Variants in ASIC2 observed in about 807,000 individuals in gnomAD.
ASIC2 encodes acid sensing ion channel subunit 2, also known as acid-sensing ion channel 2.
In ASIC2, 25 loss-of-function variants were observed where a neutral mutation model predicts 57.3. That is an observed-to-expected ratio of 0.44 (90% CI 0.32 to 0.61). ASIC2 has a LOEUF of 0.61. Among genes scored for constraint, ASIC2 ranks in the 20% least tolerant of loss-of-function variants. The pLI is 0.06. For synonymous variants in ASIC2, 319 were observed against 307.5 expected (o/e 1.04, Z -0.39); for missense variants, 641 against 738.1 (o/e 0.87, Z 1.52).
intron 3 of ASIC2, among the ~76,000 whole-genome samples, chr17:33,039,352 C>G (rs1226553024): frequency 1.3e-5 from 2 of 152,154 alleles, no homozygotes; most frequent in Admixed American, 1.3e-4. Context: ...TGGCCTCCTC[C>G]CTTTCCTCAC....
intron 1 of ASIC2, among the ~76,000 whole-genome samples, chr17:33,484,825 T>C (rs1460159019): frequency 6.6e-6 from 1 of 152,188 alleles, no homozygotes; most frequent in African/African-American, 2.4e-5. Flanking sequence ...CCCCTTTCCA[T>C]AGCAACAACA....
chr17:33,976,413 C>G (rs1905389130), intron 1 of ASIC2: 1 of 152,132 alleles, frequency 6.6e-6, no homozygotes, highest in African/African-American at 2.4e-5. Flanking sequence ...CACATTCCAA[C>G]TCTGGATTTT....
chr17:34,092,103 T>C (rs983942178), intron 1 of ASIC2, among the ~76,000 whole-genome samples: 23 of 151,726 alleles, frequency 1.5e-4, no homozygotes, highest in African/African-American at 5.3e-4. Flanking sequence ...GGGGTGGTAG[T>C]GGATCCCGGA....
chr17:33,481,407 C>T (rs182565203), intron 1 of ASIC2, among the ~76,000 whole-genome samples: 11 of 152,356 alleles, frequency 7.2e-5, no homozygotes, highest in African/African-American at 2.6e-4. Flanking sequence ...GGCACAACAC[C>T]TACAAATTAA....
chr17:33,611,482 A>G (rs1905409486), intron 1 of ASIC2, among the ~76,000 whole-genome samples: 1 of 152,160 alleles, frequency 6.6e-6, no homozygotes. Context: ...TTAAAATCTC[A>G]GTGGCTTCCA....
chr17:33,665,673 C>A (rs537484811), intron 1 of ASIC2, among the ~76,000 whole-genome samples: 12 of 152,246 alleles, frequency 7.9e-5, no homozygotes, highest in African/African-American at 2.6e-4. Flanking sequence ...AACAGATAAT[C>A]CAAGTATATT....
At chr17:34,069,844 A>G (rs1340841988) in intron 1 of ASIC2, 4 of 152,236 alleles carry the variant, frequency 2.6e-5, no homozygotes, top group Non-Finnish European at 5.9e-5. Context: ...TAGAAAAAGC[A>G]TGAACGTTTG....
At chr17:33,471,064 A>C (rs118075162) in intron 1 of ASIC2, among the ~76,000 whole-genome samples, 1,952 of 152,298 alleles carry the variant, frequency 0.013, 22 homozygotes, top group East Asian at 0.036. Context: ...GGTAGCTCAG[A>C]GAACAATGGA....
chr17:33,682,238 T>A (rs1016162973), intron 1 of ASIC2, among the ~76,000 whole-genome samples: 105 of 151,918 alleles, frequency 6.9e-4, no homozygotes, highest in African/African-American at 2.2e-3. Flanking sequence ...TTTTTTTTTT[T>A]TTATTTTTAG....
At chr17:33,537,217 G>T (rs990167068) in intron 1 of ASIC2, among the ~76,000 whole-genome samples, 6 of 152,102 alleles carry the variant, frequency 3.9e-5, no homozygotes, top group Non-Finnish European at 8.8e-5. Flanking sequence ...TGGTGTATCT[G>T]TTCCACCAAC....
intron 1 of ASIC2, among the ~76,000 whole-genome samples, chr17:33,610,409 G>C (rs951415555): frequency 6.6e-6 from 1 of 151,976 alleles, no homozygotes; most frequent in Admixed American, 6.6e-5. Context: ...TGCCCGCCTC[G>C]GCCTCCCAAA....
chr17:33,473,677 C>T (rs546726390), intron 1 of ASIC2, among the ~76,000 whole-genome samples: 2 of 152,306 alleles, frequency 1.3e-5, no homozygotes, highest in East Asian at 3.9e-4. Flanking sequence ...TTGAGTACCT[C>T]ATGATGTTCT....
At chr17:33,232,421 TATGGTATGGTATGGTATGGTATGGA>T in intron 1 of ASIC2, among the ~76,000 whole-genome samples, 1 of 147,580 alleles carries the variant, frequency 6.8e-6, no homozygotes, top group Non-Finnish European at 1.5e-5. Flanking sequence ...TATGGTATGG[TATGGTATGGTATGGTATGGTATGGA>T]ATGGTATGGT....
intron 1 of ASIC2, among the ~76,000 whole-genome samples, chr17:34,060,979 A>T (rs1273354642): frequency 2.0e-5 from 3 of 152,194 alleles, no homozygotes; most frequent in African/African-American, 7.2e-5. Flanking sequence ...AGACACCCAA[A>T]TACAAGAATA....
At chr17:33,572,317 G>A in intron 1 of ASIC2, 1 of 151,618 alleles carries the variant, frequency 6.6e-6, no homozygotes, top group East Asian at 1.9e-4. Context: ...CCCCACCCCA[G>A]GGTAGGGGTC....
intron 1 of ASIC2, among the ~76,000 whole-genome samples, chr17:33,598,377 C>T (rs1446180119): frequency 6.6e-6 from 1 of 152,228 alleles, no homozygotes; most frequent in Non-Finnish European, 1.5e-5. Flanking sequence ...TGGTTTCTGA[C>T]ACAGAGTGTT....
chr17:33,116,376 T>A (rs2141992222), intron 1 of ASIC2, among the ~76,000 whole-genome samples: 2 of 152,330 alleles, frequency 1.3e-5, no homozygotes, highest in South Asian at 4.1e-4. Flanking sequence ...ACGCTTCAAA[T>A]TTATGCCTTA....
At chr17:34,074,052 C>T (rs918087816) in intron 1 of ASIC2, among the ~76,000 whole-genome samples, 3 of 152,148 alleles carry the variant, frequency 2.0e-5, no homozygotes, top group African/African-American at 7.2e-5. Context: ...GCTCTTAGAC[C>T]AAGATGAAGT....
At chr17:34,101,955 AG>A (rs1401137228) in intron 1 of ASIC2, among the ~76,000 whole-genome samples, 2 of 152,196 alleles carry the variant, frequency 1.3e-5, no homozygotes, top group African/African-American at 2.4e-5. Context: ...TATAGCTTAC[AG>A]TTCTACTTTT....
Sources: gnomAD v4.1 joint callset for allele counts (sites outside exome capture counted in the v4.1 genomes callset) on GRCh38, gnomAD v4.1.1 for gene constraint, MANE v1.5 for transcripts, NCBI Gene and HGNC (gene_info 2026-07-23, HGNC 2026-07-21) for gene names.